The following CUL4A variants were observed in gnomAD, a reference collection of about 807,000 sequenced individuals.
The protein encoded by CUL4A is cullin 4A.
Under a neutral mutation model 95.5 loss-of-function variants are expected in CUL4A, and 16 were observed. That is an observed-to-expected ratio of 0.17 (90% CI 0.11 to 0.25). The LOEUF (loss-of-function observed/expected upper bound fraction) is 0.25, where lower values mean the gene tolerates loss of function less well. Ranked by LOEUF, CUL4A falls within the 10% of genes least tolerant of loss-of-function variation. CUL4A has a pLI of 1.00. For missense variants in CUL4A, 610 were observed against 937.0 expected, an observed-to-expected ratio of 0.65 and a Z score of 4.56; for synonymous variants, 380 against 353.1, an observed-to-expected ratio of 1.08 and a Z score of -0.85.
intron 19 of CUL4A, among the ~76,000 whole-genome samples, chr13:113,262,069 C>T (rs1244580357): frequency 2.0e-5 from 3 of 152,192 alleles, no homozygotes; most frequent in East Asian, 1.9e-4. Flanking sequence ...TGAGCCACCG[C>T]GCCCAGCCTC....
chr13:113,230,023 G>A (rs1411437655), intron 5 of CUL4A: 1 of 234,824 alleles, frequency 4.3e-6, no homozygotes, highest in Non-Finnish European at 8.2e-6. Context: ...CGCGGCCACG[G>A]ACCCCACATG....
intron 18 of CUL4A, 135 bp from the exon 19 acceptor site, chr13:113,260,472 C>A (rs1049684104): frequency 4.4e-6 from 3 of 685,814 alleles, no homozygotes; most frequent in Non-Finnish European, 7.0e-6. Context: ...ATCGCTTGAT[C>A]CTGGGAGGCG....
intron 12 of CUL4A, 77 bp from the exon 13 acceptor site, chr13:113,244,872 A>G: frequency 6.5e-6 from 6 of 928,924 alleles, no homozygotes; most frequent in Non-Finnish European, 8.6e-6. Flanking sequence ...AAGGGTTTTC[A>G]GCAGTTGAAG....
In CUL4A at chr13:113,263,579, C is replaced by T; in HGVS notation, c.2277C>T (p.Ala759=). The change falls in exon 20 of 20, where the codon GCC becomes GCT. Residue 759 remains alanine, a synonymous_variant. Transcript: ENST00000375440. ...KDNPNQYHYV[A] ...ATCCGAATCAGTACCACTACGTGGC[C>T]TGACGCATCTGCAGACGGTTCCCCT... The T allele has an allele frequency of 4.4e-6, 7 of 1,578,510 alleles. No homozygotes were observed. The South Asian group carries it at 4.6e-5, about 10-fold the overall frequency.
chr13:113,236,794 C>G (rs747843512), intron 8 of CUL4A, 29 bp from the exon 9 acceptor site: 2 of 1,506,190 alleles, frequency 1.3e-6, no homozygotes, highest in Admixed American at 1.8e-5. Context: ...AACTTTACTT[C>G]TAACGCTTAT....
intron 18 of CUL4A, among the ~76,000 whole-genome samples, chr13:113,257,914 A>G (rs575651522): frequency 6.6e-6 from 1 of 152,344 alleles, no homozygotes; most frequent in Admixed American, 6.5e-5. Context: ...TGAACAAGTT[A>G]TTTGAATTAT....
upstream of CUL4A, chr13:113,208,585 C>A (rs759761696): frequency 6.2e-7 from 1 of 1,603,606 alleles, no homozygotes; most frequent in Non-Finnish European, 8.5e-7. Flanking sequence ...GCGCGCTCCC[C>A]GGCTAGGACC....
rs549884094 is a variant in CUL4A at position 113,240,323 on chromosome 13, C to T, written c.1035+772C>T. ...AGCCCTCACCACAAAGAATCACCTG[C>T]CCAGAGGGCCAGAGTTGCCCAGCCC... On this transcript the variant is annotated intron_variant, in intron 10 of 19. Transcript: ENST00000375440. Among the ~76,000 whole-genome samples the T allele has an allele frequency of 8.5e-5, 13 of 152,298 alleles. No homozygotes were observed. The South Asian group carries it at 2.5e-3, about 29-fold the overall frequency.
chr13:113,246,152 A>G, intron 15 of CUL4A, 89 bp downstream of exon 15: 1 of 971,010 alleles, frequency 1.0e-6, no homozygotes, highest in Non-Finnish European at 1.6e-6. Flanking sequence ...TTGAATGGGG[A>G]GTTTTTAAAA....
At chr13:113,262,655 A>C (rs116509113) in intron 19 of CUL4A, among the ~76,000 whole-genome samples, 3,804 of 152,296 alleles carry the variant, frequency 0.025, 165 homozygotes, top group African/African-American at 0.086. Flanking sequence ...TCTCAAAATA[A>C]ATAAACAAAA....
At chr13:113,229,759 T>C (rs948493567) in intron 5 of CUL4A, 3 of 539,970 alleles carry the variant, frequency 5.6e-6, no homozygotes, top group African/African-American at 3.8e-5. Context: ...ACTTTGGTCA[T>C]GAGGGTGAAG....
At chr13:113,208,196 C>A, upstream of CUL4A, 1 of 1,556,078 alleles carries the variant, frequency 6.4e-7, no homozygotes. Flanking sequence ...TCCCCGAATT[C>A]ATCCCGCATC....
rs1566342999 is a variant in CUL4A at position 113,232,069 on chromosome 13, CACCACTACCCGCCCACCACCATTACTGT to C, written c.513-1107_513-1080del. 4.6e-4 allele frequency among the ~76,000 whole-genome samples: 61 copies of C among 133,856 alleles called. 2 individuals carry two copies. The highest frequency in any genetic ancestry group is 1.8e-3 in the African/African-American group (60 of 33,982). The allele number at this position is 133,856 out of a possible 152,430, so 87.8% of individuals were successfully genotyped here. On this transcript the variant is annotated intron_variant, in intron 5 of 19. Transcript: ENST00000375440. The stretch of plus-strand genomic sequence containing the variant: ...ACTACCCGCCCACCACCATTACTGT[CACCACTACCCGCCCACCACCATTACTGT>C]CACCACTACCCGCCCACCACCATTA...
At chr13:113,233,402 G>A (rs925202102) in intron 6 of CUL4A, 63 bp downstream of exon 6, 41 of 1,442,168 alleles carry the variant, frequency 2.8e-5, no homozygotes, top group African/African-American at 5.7e-5. Flanking sequence ...CAGAATAAAT[G>A]GTTGTACCAA....
intron 8 of CUL4A, among the ~76,000 whole-genome samples, chr13:113,236,609 T>C (rs1029362900): frequency 2.0e-5 from 3 of 152,196 alleles, no homozygotes; most frequent in Non-Finnish European, 4.4e-5. Flanking sequence ...TGGGCCTGCT[T>C]GTGCTGTTCA....
intron 9 of CUL4A, among the ~76,000 whole-genome samples, chr13:113,237,981 G>T (rs1374166836): frequency 1.3e-5 from 2 of 152,198 alleles, no homozygotes; most frequent in Non-Finnish European, 2.9e-5. Flanking sequence ...ACAGCCAGAT[G>T]TTGGTGCCTG....
At chr13:113,240,956 A>G (rs1481678951) in intron 10 of CUL4A, among the ~76,000 whole-genome samples, 1 of 152,218 alleles carries the variant, frequency 6.6e-6, no homozygotes, top group East Asian at 1.9e-4. Flanking sequence ...TATTTTTACT[A>G]TTATGCAAAT....
At chr13:113,237,329 T>A (rs1321061270) in intron 9 of CUL4A, among the ~76,000 whole-genome samples, 3 of 152,236 alleles carry the variant, frequency 2.0e-5, no homozygotes, top group African/African-American at 7.2e-5. Context: ...TAGTGTCAGA[T>A]GAACTACCGA....
intron 2 of CUL4A, among the ~76,000 whole-genome samples, chr13:113,215,903 A>T (rs1387329409): frequency 1.6e-5 from 2 of 123,118 alleles, no homozygotes; most frequent in Non-Finnish European, 3.3e-5. Flanking sequence ...GTGACTATGG[A>T]GGTCTCGTCC....
Sources: allele counts gnomAD v4.1 joint callset (sites outside exome capture counted in the v4.1 genomes callset), GRCh38; gene constraint gnomAD v4.1.1; transcripts MANE v1.5; gene names NCBI Gene and HGNC (gene_info 2026-07-23, HGNC 2026-07-21).